Variants in GRIK2 observed in about 807,000 individuals in gnomAD.
GRIK2 encodes glutamate ionotropic receptor kainate type subunit 2.
Under a neutral mutation model 100.3 loss-of-function variants are expected in GRIK2, and 32 were observed. The observed-to-expected ratio is 0.32, with a 90% CI of 0.24 to 0.43. The LOEUF (loss-of-function observed/expected upper bound fraction) is 0.43, where lower values mean the gene tolerates loss of function less well. GRIK2 is among the 20% of genes least tolerant of loss of function. GRIK2 has a pLI of 1.00. For synonymous variants in GRIK2, 417 were observed against 389.4 expected (o/e 1.07, Z -0.83); for missense variants, 843 against 1,114.9 (o/e 0.76, Z 3.47).
chr6:101,911,502 T>A (rs1285897582), intron 12 of GRIK2, among the ~76,000 whole-genome samples: 1 of 151,560 alleles, frequency 6.6e-6, no homozygotes, highest in African/African-American at 2.4e-5. Flanking sequence ...TGGGAGATGC[T>A]GACTTAAAGA....
At chr6:102,063,149 T>C (rs947375100) in intron 16 of GRIK2, among the ~76,000 whole-genome samples, 3 of 150,728 alleles carry the variant, frequency 2.0e-5, no homozygotes, top group African/African-American at 7.3e-5. Flanking sequence ...TGAGGTACAA[T>C]AGTATCTTAT....
chr6:102,016,969 A>G (rs1225520633), intron 14 of GRIK2, among the ~76,000 whole-genome samples: 2 of 152,164 alleles, frequency 1.3e-5, no homozygotes, highest in African/African-American at 4.8e-5. Flanking sequence ...GGGGCCTCAT[A>G]TTCAACATTC....
intron 7 of GRIK2, among the ~76,000 whole-genome samples, chr6:101,717,061 CACTTT>C (rs1338388169): frequency 6.6e-6 from 1 of 151,808 alleles, no homozygotes; most frequent in Admixed American, 6.6e-5. Flanking sequence ...AGCAAATTAG[CACTTT>C]ACTTCCATCT....
At chr6:101,892,662 AT>A (rs1331206814) in intron 12 of GRIK2, among the ~76,000 whole-genome samples, 1 of 152,012 alleles carries the variant, frequency 6.6e-6, no homozygotes, top group Non-Finnish European at 1.5e-5. Flanking sequence ...TCATAAAAAA[AT>A]AAGTTTAAAT....
chr6:101,555,633 T>C (rs190241145), intron 2 of GRIK2, among the ~76,000 whole-genome samples: 1 of 152,320 alleles, frequency 6.6e-6, no homozygotes, highest in East Asian at 1.9e-4. Flanking sequence ...TTATAAAGCA[T>C]ATTTACTTAA....
At chr6:101,827,359 T>C (rs1213452140) in intron 10 of GRIK2, among the ~76,000 whole-genome samples, 2 of 151,952 alleles carry the variant, frequency 1.3e-5, no homozygotes, top group African/African-American at 4.8e-5. Context: ...TGAATTTTGT[T>C]TAAAAAAGTA....
intron 2 of GRIK2, among the ~76,000 whole-genome samples, chr6:101,457,306 T>C (rs767624379): frequency 8.5e-5 from 13 of 152,122 alleles, no homozygotes; most frequent in Non-Finnish European, 1.8e-4. Flanking sequence ...GTTGATAAAT[T>C]TGCACCTCTC....
At chr6:101,885,586 C>G (rs939779540) in intron 11 of GRIK2, among the ~76,000 whole-genome samples, 2 of 151,932 alleles carry the variant, frequency 1.3e-5, no homozygotes, top group African/African-American at 4.8e-5. Flanking sequence ...CACATTTTTC[C>G]CTCATAATAG....
chr6:102,069,611 T>C lies in GRIK2; in HGVS notation c.*1100T>C, dbSNP rs1772172340. Reference sequence around the variant, plus strand: ...TTATCAATACAGTCACAATGTTAAATGAACAAAATTCTTGAACAGTTTTTT... The same window carrying C: ...TTATCAATACAGTCACAATGTTAAACGAACAAAATTCTTGAACAGTTTTTT... On this transcript the variant is annotated 3_prime_UTR_variant, in exon 17 of 17. Coordinates refer to ENST00000369134, the MANE Select transcript of GRIK2 (RefSeq NM_021956.5). The C allele has an allele frequency of 6.6e-6, 1 of 151,938 alleles. No individual in the cohort carries two copies. The highest frequency in any genetic ancestry group is 2.4e-5 in the African/African-American group (1 of 41,410). 9.4% of individuals were successfully genotyped at this position (151,938 alleles called of 1,614,324 possible). A position where few individuals can be genotyped will look rare whatever the true frequency, so the allele number is the denominator to read the frequency against.
chr6:101,611,365 A>G (rs1203836807), intron 2 of GRIK2, among the ~76,000 whole-genome samples: 2 of 151,820 alleles, frequency 1.3e-5, no homozygotes, highest in Non-Finnish European at 2.9e-5. Flanking sequence ...AGAATATGAT[A>G]GATGTAGGAA....
chr6:101,705,815 G>A (rs1773246266), intron 7 of GRIK2, among the ~76,000 whole-genome samples: 1 of 151,816 alleles, frequency 6.6e-6, no homozygotes, highest in African/African-American at 2.4e-5. Flanking sequence ...ACTTTAAAAT[G>A]TTGAACATAC....
chr6:101,773,046 A>G (rs1778503091), intron 7 of GRIK2, among the ~76,000 whole-genome samples: 1 of 152,204 alleles, frequency 6.6e-6, no homozygotes, highest in Non-Finnish European at 1.5e-5. Context: ...AAACAACACA[A>G]TGAGAAAGTG....
At chr6:101,675,347 A>G (rs1369241114) in intron 4 of GRIK2, among the ~76,000 whole-genome samples, 1 of 152,156 alleles carries the variant, frequency 6.6e-6, no homozygotes, top group Middle Eastern at 3.4e-3. Flanking sequence ...AGAGAGAAGG[A>G]AAAAGAGACA....
chr6:101,425,692 G>T (rs1036771933), intron 2 of GRIK2, among the ~76,000 whole-genome samples: 1 of 152,166 alleles, frequency 6.6e-6, no homozygotes, highest in Non-Finnish European at 1.5e-5. Context: ...TCAAATTTAT[G>T]ATAGACTGAT....
chr6:101,730,376 G>T (rs764916411), intron 7 of GRIK2, among the ~76,000 whole-genome samples: 8 of 151,944 alleles, frequency 5.3e-5, no homozygotes, highest in Non-Finnish European at 1.0e-4. Flanking sequence ...CTGTAAGACA[G>T]CCAGGGGATA....
intron 2 of GRIK2, among the ~76,000 whole-genome samples, chr6:101,511,568 T>C (rs1005879326): frequency 1.3e-5 from 2 of 151,864 alleles, no homozygotes; most frequent in Non-Finnish European, 2.9e-5. Flanking sequence ...AATAAATTTA[T>C]ATTATTAGAA....
intron 2 of GRIK2, among the ~76,000 whole-genome samples, chr6:101,518,948 A>C (rs1473215236): frequency 6.6e-6 from 1 of 152,204 alleles, no homozygotes; most frequent in Non-Finnish European, 1.5e-5. Flanking sequence ...TAGATGCATT[A>C]TTGATTCCAG....
chr6:101,678,104 T>G (rs1056369086), intron 5 of GRIK2, among the ~76,000 whole-genome samples: 6 of 152,220 alleles, frequency 3.9e-5, no homozygotes, highest in Admixed American at 2.6e-4. Flanking sequence ...TTTCCTTTAC[T>G]CCTGGAGTGA....
chr6:101,805,644 G>C (rs1780954314), intron 9 of GRIK2, among the ~76,000 whole-genome samples: 1 of 151,936 alleles, frequency 6.6e-6, no homozygotes, highest in Admixed American at 6.6e-5. Flanking sequence ...ATGCCCTCAT[G>C]AAGGTTATAA....
Sources: gnomAD v4.1 joint callset for allele counts (sites outside exome capture counted in the v4.1 genomes callset) on GRCh38, gnomAD v4.1.1 for gene constraint, MANE v1.5 for transcripts, NCBI Gene and HGNC (gene_info 2026-07-23, HGNC 2026-07-21) for gene names.